Variants in NOTCH2NLA observed in about 807,000 individuals in gnomAD.
NOTCH2NLA encodes notch 2 N-terminal like A.
intron 2 of NOTCH2NLA, among the ~76,000 whole-genome samples, chr1:146,186,739 C>T (rs1228703890): frequency 3.1e-5 from 4 of 130,164 alleles, no homozygotes; most frequent in Admixed American, 8.0e-5. Context: ...AATATATAGG[C>T]GAACACTTAG....
chr1:146,161,690 C>T (rs1400394831), intron 3 of NOTCH2NLA, among the ~76,000 whole-genome samples: 1 of 62,808 alleles, frequency 1.6e-5, no homozygotes, highest in Non-Finnish European at 2.8e-5. Flanking sequence ...GCCACCAGGA[C>T]ACTTTGGGTT....
intron 2 of NOTCH2NLA, among the ~76,000 whole-genome samples, chr1:146,186,513 C>A (rs1460340835): frequency 3.3e-4 from 48 of 143,502 alleles, no homozygotes; most frequent in African/African-American, 1.1e-3. Context: ...TGCCACCACG[C>A]CCAGCTAATT....
chr1:146,159,459 A>G (rs1310060475), intron 3 of NOTCH2NLA, among the ~76,000 whole-genome samples: 2 of 151,258 alleles, frequency 1.3e-5, no homozygotes, highest in Non-Finnish European at 3.0e-5. Context: ...GAAAGAAAGA[A>G]AGAAAGGAAG....
At chr1:146,151,317 CAAAA>C, downstream of NOTCH2NLA, among the ~76,000 whole-genome samples, 1 of 15,904 alleles carries the variant, frequency 6.3e-5, no homozygotes, top group Non-Finnish European at 9.4e-5. Flanking sequence ...TGCTCCGTCT[CAAAA>C]AAAAAAAAAA....
intron 1 of NOTCH2NLA, among the ~76,000 whole-genome samples, chr1:146,200,425 A>G (rs74849473): frequency 2.7e-4 from 5 of 18,538 alleles, no homozygotes; most frequent in African/African-American, 1.3e-3. Context: ...TCTGCCTGAG[A>G]AAAAAAAAAA....
chr1:146,198,853 G>A (rs1196944643), intron 1 of NOTCH2NLA, among the ~76,000 whole-genome samples: 1 of 49,796 alleles, frequency 2.0e-5, no homozygotes, highest in Non-Finnish European at 4.5e-5. Flanking sequence ...GTGCAGTGGC[G>A]CAATCTCAGC....
intron 2 of NOTCH2NLA, among the ~76,000 whole-genome samples, chr1:146,180,558 A>G (rs1553809072): frequency 7.0e-6 from 1 of 143,182 alleles, no homozygotes; most frequent in East Asian, 1.9e-4. Context: ...GTGAATAAAT[A>G]GGATCTAGAA....
intron 2 of NOTCH2NLA, among the ~76,000 whole-genome samples, chr1:146,186,079 G>C (rs1199672545): frequency 9.6e-5 from 13 of 134,804 alleles, no homozygotes; most frequent in African/African-American, 3.2e-4. Flanking sequence ...TATTGTTCTT[G>C]CTTTTTCTTT....
chr1:146,186,356 C>CTT (rs4067774), intron 2 of NOTCH2NLA, among the ~76,000 whole-genome samples: 19 of 99,000 alleles, frequency 1.9e-4, no homozygotes, highest in East Asian at 8.1e-4. Context: ...GCTCCATTTT[C>CTT]TTTTTTTTTT....
rs1253525266 is a variant in NOTCH2NLA at position 146,187,482 on chromosome 1, GTCT to G, written c.38+1815_38+1817del. Among the ~76,000 whole-genome samples the G allele has an allele frequency of 2.9e-5, 4 of 135,648 alleles. 1 individual carries two copies. Among genetic ancestry groups the G allele is most frequent in the Non-Finnish European group, 5.1e-5 (3 of 58,596 alleles). 89.0% of individuals were successfully genotyped at this position (135,648 alleles called of 152,430 possible). On this transcript the variant is annotated intron_variant, in intron 2 of 4. Transcript: ENST00000362074. ...GAAATTTTTAAAGGAGAGAACCAGT[GTCT>G]TCTTATTTAACATAAATAGATAAGA...
rs1212257000 is a variant in NOTCH2NLA, at chr1:146,182,299, C to T, written c.38+7001G>A. Reference sequence around the variant, plus strand: ...TATTGACAGGCAAACTGAGACTCAACGTGACAGTACATTTTCCACGAGTAT... The same window carrying T: ...TATTGACAGGCAAACTGAGACTCAATGTGACAGTACATTTTCCACGAGTAT... On this transcript the variant is annotated intron_variant, in intron 2 of 4. Coordinates refer to ENST00000362074, the Ensembl canonical transcript of NOTCH2NLA. Among the ~76,000 whole-genome samples the T allele has an allele frequency of 8.2e-5, 11 of 134,914 alleles. No individual in the cohort carries two copies. In the East Asian group the frequency reaches 1.8e-3, roughly 22 times the overall value. The allele number at this position is 134,914 out of a possible 152,430, so 88.5% of individuals were successfully genotyped here.
chr1:146,172,582 G>A (rs1243072118), intron 2 of NOTCH2NLA, among the ~76,000 whole-genome samples: 1 of 151,276 alleles, frequency 6.6e-6, no homozygotes, highest in South Asian at 2.1e-4. Flanking sequence ...TTCCCTTCTG[G>A]TATATCTCCA....
chr1:146,203,758 C>T (rs1571328748), intron 1 of NOTCH2NLA, among the ~76,000 whole-genome samples: 1 of 108,422 alleles, frequency 9.2e-6, no homozygotes, highest in East Asian at 2.3e-4. Context: ...ATTTAGGAAA[C>T]CTCAGACAGC....
intron 3 of NOTCH2NLA, among the ~76,000 whole-genome samples, chr1:146,162,548 C>T (rs1243802418): frequency 2.0e-5 from 2 of 99,028 alleles, no homozygotes; most frequent in South Asian, 5.9e-4. Context: ...ACCATTTGAT[C>T]ATCTGTCAGC....
At chr1:146,183,571 C>A (rs587633619) in intron 2 of NOTCH2NLA, among the ~76,000 whole-genome samples, 3 of 119,100 alleles carry the variant, frequency 2.5e-5, no homozygotes, top group African/African-American at 1.1e-4. Context: ...AGGCACCGTA[C>A]TTGAAGGAAC....
chr1:146,158,756 AC>A (rs1553803464), intron 3 of NOTCH2NLA, among the ~76,000 whole-genome samples: 1 of 151,658 alleles, frequency 6.6e-6, no homozygotes, highest in South Asian at 2.1e-4. Context: ...TAAATCTCTG[AC>A]CTCATAGAAA....
At chr1:146,159,447 G>GAGAA (rs1161427767) in intron 3 of NOTCH2NLA, among the ~76,000 whole-genome samples, 39 of 135,880 alleles carry the variant, frequency 2.9e-4, no homozygotes, top group African/African-American at 7.1e-4. Flanking sequence ...AAGAAAGAAA[G>GAGAA]AGAAAGAAAG....
At chr1:146,180,624 A>G (rs1553809087) in intron 2 of NOTCH2NLA, among the ~76,000 whole-genome samples, 1 of 143,348 alleles carries the variant, frequency 7.0e-6, no homozygotes, top group African/African-American at 2.4e-5. Flanking sequence ...TTGTAAGGTA[A>G]AACCCAACTA....
chr1:146,200,673 ACT>A (rs1663379936), intron 1 of NOTCH2NLA, among the ~76,000 whole-genome samples: 1 of 127,102 alleles, frequency 7.9e-6, no homozygotes, highest in Non-Finnish European at 1.7e-5. Flanking sequence ...CGTTTTGATT[ACT>A]CATATTCTTT....
Sources: gnomAD v4.1 joint callset for allele counts (sites outside exome capture counted in the v4.1 genomes callset) on GRCh38, gnomAD v4.1.1 for gene constraint, MANE v1.5 for transcripts, NCBI Gene and HGNC (gene_info 2026-07-23, HGNC 2026-07-21) for gene names.